Variants in SORCS2 observed in about 807,000 individuals in gnomAD.
SORCS2 encodes the protein VPS10 domain-containing receptor SorCS2.
SORCS2 carries 100 observed loss-of-function variants against 141.6 expected under a neutral mutation model. The ratio of observed to expected loss-of-function variants is 0.71; its 90% CI spans 0.60 to 0.83. The LOEUF is 0.83. SORCS2 is among the 40% of genes least tolerant of loss of function. The probability of loss-of-function intolerance (pLI) is 0.00; values close to 1 mark genes in which losing one functional copy is unlikely to be tolerated. For synonymous variants in SORCS2, 789 were observed against 676.9 expected (o/e 1.17, Z -2.57); for missense variants, 1,646 against 1,560.2 (o/e 1.05, Z -0.93).
At chr4:7,573,898 C>T (rs1715561309) in intron 3 of SORCS2, among the ~76,000 whole-genome samples, 1 of 152,236 alleles carries the variant, frequency 6.6e-6, no homozygotes, top group Admixed American at 6.5e-5. Context: ...CCCTGGCCTC[C>T]TCGCTGTGCT....
intron 1 of SORCS2, among the ~76,000 whole-genome samples, chr4:7,384,093 C>T (rs1375183008): frequency 6.6e-6 from 1 of 152,218 alleles, no homozygotes; most frequent in Non-Finnish European, 1.5e-5. Flanking sequence ...AATGCCTGTG[C>T]ATGAAGGGCC....
At chr4:7,669,453 C>T (rs1042835710) in intron 8 of SORCS2, among the ~76,000 whole-genome samples, 6 of 152,134 alleles carry the variant, frequency 3.9e-5, no homozygotes, top group African/African-American at 1.4e-4. Context: ...TTGCTGAGAC[C>T]TTTGCCCAGC....
At position 7,660,112 on chromosome 4, in the gene SORCS2, G is replaced by A. The variant is rs566611291; in HGVS notation, c.888-1388G>A. On this transcript the variant is annotated intron_variant, in intron 5 of 26. Coordinates refer to ENST00000507866, the MANE Select transcript of SORCS2 (RefSeq NM_020777.3). ...GTACCTGAGCACCTGCCACCAAATG[G>A]AGGTATTAAATGAGTTCAAGTGACA... Among the ~76,000 whole-genome samples, 3 of 152,344 alleles carry A rather than the reference G, an allele frequency of 2.0e-5. No homozygotes were observed. The South Asian group carries it at 6.2e-4, about 32-fold the overall frequency.
intron 2 of SORCS2, among the ~76,000 whole-genome samples, chr4:7,454,652 G>A (rs1380120537): frequency 5.3e-5 from 7 of 131,584 alleles, no homozygotes; most frequent in Non-Finnish European, 9.8e-5. Flanking sequence ...GTCAGGCACT[G>A]TGTTGGGGTC....
At chr4:7,369,883 CAG>C (rs1156330584) in intron 1 of SORCS2, among the ~76,000 whole-genome samples, 2 of 152,244 alleles carry the variant, frequency 1.3e-5, no homozygotes, top group African/African-American at 4.8e-5. Flanking sequence ...CTTTCGCACA[CAG>C]TGTCTTCTCC....
At chr4:7,269,433 C>T (rs960887460) in intron 1 of SORCS2, among the ~76,000 whole-genome samples, 4 of 152,206 alleles carry the variant, frequency 2.6e-5, no homozygotes, top group African/African-American at 9.7e-5. Flanking sequence ...TATCTGTGAA[C>T]ACGATCTTAT....
chr4:7,656,050 G>C (rs1380429792), intron 5 of SORCS2, among the ~76,000 whole-genome samples: 1 of 152,226 alleles, frequency 6.6e-6, no homozygotes, highest in Non-Finnish European at 1.5e-5. Context: ...CGTGGTGACA[G>C]CGGTGGGGAT....
intron 1 of SORCS2, among the ~76,000 whole-genome samples, chr4:7,392,182 C>G (rs973352829): frequency 6.6e-6 from 1 of 152,236 alleles, no homozygotes. Flanking sequence ...TGTGGGCTCT[C>G]ACTGGGCTAA....
intron 2 of SORCS2, among the ~76,000 whole-genome samples, chr4:7,487,187 A>G (rs1676273197): frequency 6.6e-6 from 1 of 152,214 alleles, no homozygotes. Context: ...CCCTGCACCA[A>G]GAAGCCCACC....
At chr4:7,345,193 G>A (rs991380910) in intron 1 of SORCS2, among the ~76,000 whole-genome samples, 5 of 152,184 alleles carry the variant, frequency 3.3e-5, no homozygotes, top group African/African-American at 1.2e-4. Context: ...AGAGAGCAGA[G>A]GCTGTGCTGT....
intron 1 of SORCS2, among the ~76,000 whole-genome samples, chr4:7,209,898 T>C (rs1270544598): frequency 6.6e-6 from 1 of 152,222 alleles, no homozygotes; most frequent in Non-Finnish European, 1.5e-5. Flanking sequence ...TATTTAGCAG[T>C]GAGCTATGGC....
chr4:7,397,185 G>A (rs925891494), intron 2 of SORCS2, among the ~76,000 whole-genome samples: 1 of 152,116 alleles, frequency 6.6e-6, no homozygotes, highest in South Asian at 2.1e-4. Context: ...ACCTCGAGTT[G>A]GTTTATTTTC....
intron 4 of SORCS2, among the ~76,000 whole-genome samples, chr4:7,652,814 G>A (rs994981411): frequency 6.6e-6 from 1 of 152,180 alleles, no homozygotes; most frequent in Non-Finnish European, 1.5e-5. Flanking sequence ...CATCTTATCC[G>A]GCCTTGGTTG....
intron 2 of SORCS2, among the ~76,000 whole-genome samples, chr4:7,528,018 T>C (rs1733805172): frequency 6.6e-6 from 1 of 151,840 alleles, no homozygotes; most frequent in African/African-American, 2.4e-5. Context: ...CTCCTTGTGC[T>C]CTCTCTGTCT....
chr4:7,427,298 C>A (rs1467658369), intron 2 of SORCS2, among the ~76,000 whole-genome samples: 2 of 152,310 alleles, frequency 1.3e-5, no homozygotes, highest in East Asian at 3.9e-4. Context: ...TATCCCATCC[C>A]TTGCTTCGGA....
chr4:7,443,649 C>G (rs1195365061), intron 2 of SORCS2, among the ~76,000 whole-genome samples: 1 of 152,214 alleles, frequency 6.6e-6, no homozygotes, highest in Non-Finnish European at 1.5e-5. Flanking sequence ...GACCGGAGAC[C>G]ACAGAAACTT....
chr4:7,508,416 T>C (rs1732410506), intron 2 of SORCS2, among the ~76,000 whole-genome samples: 1 of 149,622 alleles, frequency 6.7e-6, no homozygotes, highest in Admixed American at 6.8e-5. Flanking sequence ...AGTGGCATGA[T>C]CTTGGCTCAC....
chr4:7,242,958 T>C (rs1339901488), intron 1 of SORCS2, among the ~76,000 whole-genome samples: 1 of 152,172 alleles, frequency 6.6e-6, no homozygotes, highest in Non-Finnish European at 1.5e-5. Context: ...GCGCCCATGG[T>C]GGGCTAGCAG....
chr4:7,251,314 A>G (rs567973507), intron 1 of SORCS2, among the ~76,000 whole-genome samples: 3 of 152,338 alleles, frequency 2.0e-5, no homozygotes, highest in African/African-American at 7.2e-5. Context: ...AGGAGTCATC[A>G]TAAAATTTTA....
Sources: gnomAD v4.1 joint callset for allele counts (sites outside exome capture counted in the v4.1 genomes callset) on GRCh38, gnomAD v4.1.1 for gene constraint, MANE v1.5 for transcripts, NCBI Gene and HGNC (gene_info 2026-07-23, HGNC 2026-07-21) for gene names.